The following UST variants were observed in gnomAD, a reference collection of about 807,000 sequenced individuals.
UST encodes the protein chondroitin sulfate 2-O-sulfotransferase.
A neutral mutation model predicts 45.6 loss-of-function variants in UST; 21 were observed. The observed-to-expected ratio is 0.46, with a 90% CI of 0.33 to 0.66. The LOEUF is 0.66. Ranked by LOEUF, UST falls within the 30% of genes least tolerant of loss-of-function variation. The probability of loss-of-function intolerance (pLI) is 0.02; values close to 1 mark genes in which losing one functional copy is unlikely to be tolerated. For missense variants in UST, 463 were observed against 512.4 expected (o/e 0.90, Z 0.93); for synonymous variants, 215 against 200.6 (o/e 1.07, Z -0.61).
At chr6:148,809,126 C>T (rs765024777) in intron 1 of UST, among the ~76,000 whole-genome samples, 1 of 152,256 alleles carries the variant, frequency 6.6e-6, no homozygotes. Context: ...GTCACCAACT[C>T]AAACCTCAGC....
chr6:148,821,028 G>A (rs1777454606), intron 1 of UST, among the ~76,000 whole-genome samples: 1 of 123,824 alleles, frequency 8.1e-6, no homozygotes, highest in Non-Finnish European at 1.6e-5. Context: ...GGAGTGCAGT[G>A]GCATGATCTC....
intron 5 of UST, among the ~76,000 whole-genome samples, chr6:148,965,876 CTTTTTTTTTTT>C (rs56202168): frequency 7.9e-6 from 1 of 126,238 alleles, no homozygotes; most frequent in Admixed American, 8.1e-5. Flanking sequence ...TGGCTTTTCC[CTTTTTTTTTTT>C]TTTTTTTTTT....
At chr6:148,780,958 C>T (rs1051693510) in intron 1 of UST, among the ~76,000 whole-genome samples, 5 of 152,138 alleles carry the variant, frequency 3.3e-5, no homozygotes, top group African/African-American at 9.7e-5. Flanking sequence ...ACTGCTCCAC[C>T]TACCTGTGGT....
intron 1 of UST, among the ~76,000 whole-genome samples, chr6:148,837,266 C>T (rs1777803770): frequency 6.6e-6 from 1 of 152,188 alleles, no homozygotes; most frequent in African/African-American, 2.4e-5. Context: ...CCTAACTCTT[C>T]TCCAAATTGA....
intron 1 of UST, among the ~76,000 whole-genome samples, chr6:148,875,538 C>T (rs1188463732): frequency 6.6e-6 from 1 of 152,190 alleles, no homozygotes; most frequent in South Asian, 2.1e-4. Flanking sequence ...TGCGGTGGCT[C>T]ACGCCTGTAA....
chr6:148,904,232 T>C (rs999624598), intron 2 of UST, among the ~76,000 whole-genome samples: 29 of 152,176 alleles, frequency 1.9e-4, no homozygotes, highest in African/African-American at 7.0e-4. Context: ...AAGGACATCT[T>C]GTTTCTTGTG....
At chr6:148,815,046 T>C (rs1003382958) in intron 1 of UST, among the ~76,000 whole-genome samples, 1 of 152,196 alleles carries the variant, frequency 6.6e-6, no homozygotes, top group Non-Finnish European at 1.5e-5. Flanking sequence ...AAGACACTTA[T>C]TAAAAAAACC....
chr6:148,770,272 A>G (rs1776398488), intron 1 of UST, among the ~76,000 whole-genome samples: 2 of 151,564 alleles, frequency 1.3e-5, no homozygotes, highest in South Asian at 4.2e-4. Context: ...GGAAAAGGTG[A>G]CACTTGAGCT....
chr6:149,068,712 C>A (rs1020561437), intron 7 of UST, among the ~76,000 whole-genome samples: 10 of 152,108 alleles, frequency 6.6e-5, no homozygotes, highest in African/African-American at 1.4e-4. Flanking sequence ...GTATCCATCA[C>A]CTTGAGTATT....
At chr6:148,758,320 C>T (rs1008067581) in intron 1 of UST, among the ~76,000 whole-genome samples, 2 of 152,200 alleles carry the variant, frequency 1.3e-5, no homozygotes, top group African/African-American at 4.8e-5. Flanking sequence ...TCTTCTGCTT[C>T]CTGGAGATAG....
Position 148,964,556 on chromosome 6 carries a change from G to A in UST, c.674G>A (p.Arg225His). 1 of 1,613,586 alleles carries A rather than the reference G, an allele frequency of 6.2e-7. No homozygotes were observed. The highest frequency in any genetic ancestry group is 8.5e-7 in the Non-Finnish European group (1 of 1,180,028). The change falls in exon 5 of 8, where the codon CGC (arginine) becomes CAC (histidine). Residue 225 changes from arginine to histidine, a missense_variant. Transcript: ENST00000367463. Reference sequence around the variant, plus strand: ...ACCCCCAGCATGAGGCAGGAGGAGCGCTACCTGGTAAGTCCTGTCGCATGC... The same window carrying A: ...ACCCCCAGCATGAGGCAGGAGGAGCACTACCTGGTAAGTCCTGTCGCATGC... ...IRTPSMRQEERYLDINECILE... is the reference protein window; with the variant it reads ...IRTPSMRQEEHYLDINECILE...
chr6:148,920,932 A>C (rs1361247752), intron 2 of UST, among the ~76,000 whole-genome samples: 1 of 152,250 alleles, frequency 6.6e-6, no homozygotes, highest in Non-Finnish European at 1.5e-5. Context: ...TCAGAAGGAC[A>C]AACAGCAGCT....
intron 1 of UST, among the ~76,000 whole-genome samples, chr6:148,865,631 G>T (rs1478625615): frequency 6.6e-6 from 1 of 151,062 alleles, no homozygotes; most frequent in Non-Finnish European, 1.5e-5. Context: ...TAGCATCCAG[G>T]TCCGGCATTG....
intron 1 of UST, among the ~76,000 whole-genome samples, chr6:148,848,401 G>C (rs1381030146): frequency 6.6e-6 from 1 of 152,214 alleles, no homozygotes; most frequent in Non-Finnish European, 1.5e-5. Context: ...GGCTGGGCAT[G>C]GTGGCTCACG....
intron 1 of UST, among the ~76,000 whole-genome samples, chr6:148,884,089 C>A (rs1047092424): frequency 6.7e-6 from 1 of 149,552 alleles, no homozygotes; most frequent in Non-Finnish European, 1.5e-5. Context: ...GCCAAGATTG[C>A]ACCACTGCAC....
chr6:148,924,219 C>A (rs921810421), intron 2 of UST, among the ~76,000 whole-genome samples: 17 of 152,246 alleles, frequency 1.1e-4, no homozygotes, highest in African/African-American at 3.9e-4. Flanking sequence ...GGGTTGTAAT[C>A]AAAACAAAGA....
rs148792963 is a variant in UST, at chr6:148,747,644, C to T, written c.214C>T (p.Pro72Ser). 136 of 1,599,144 alleles carry T rather than the reference C, an allele frequency of 8.5e-5. 1 individual carries two copies. In the African/African-American group the frequency reaches 1.7e-3, roughly 20 times the overall value. ...SLLYQLSGGP[P>S]RFLLDLRQYL... ...CCTCTATCAGCTCAGCGGGGGACCC[C>T]CTCGCTTCCTGCTCGACCTGCGGCA... The change falls in exon 1 of 8, where the codon CCT becomes TCT. Residue 72 changes from proline (P) to serine (S), a missense_variant. By Grantham distance (74) the Pro-to-Ser change is moderately conservative (BLOSUM62 -1). Coordinates refer to ENST00000367463, the MANE Select transcript of UST (RefSeq NM_005715.3).
intron 1 of UST, among the ~76,000 whole-genome samples, chr6:148,784,602 C>A (rs9386234): frequency 0.1 from 15,923 of 152,230 alleles, 1,415 homozygotes; most frequent in East Asian, 0.46. Flanking sequence ...TTGGAAAGAA[C>A]AAGTGGAAAA....
chr6:148,976,478 A>G (rs1433671438), intron 5 of UST, among the ~76,000 whole-genome samples: 3 of 152,208 alleles, frequency 2.0e-5, no homozygotes, highest in African/African-American at 7.2e-5. Flanking sequence ...GGACATGTCC[A>G]TGTATTTCTG....
Sources: allele counts gnomAD v4.1 joint callset (sites outside exome capture counted in the v4.1 genomes callset), GRCh38; gene constraint gnomAD v4.1.1; transcripts MANE v1.5; gene names NCBI Gene and HGNC (gene_info 2026-07-23, HGNC 2026-07-21).